The following TTC28 variants were observed in gnomAD, a reference collection of about 807,000 sequenced individuals.
The protein encoded by TTC28 is tetratricopeptide repeat domain 28.
TTC28 carries 61 observed loss-of-function variants against 198.0 expected under a neutral mutation model. The observed-to-expected ratio is 0.31, with a 90% CI of 0.25 to 0.38. The LOEUF (loss-of-function observed/expected upper bound fraction) is 0.38. TTC28 is among the 10% of genes least tolerant of loss of function. TTC28 has a pLI of 1.00. For missense variants in TTC28, 2,678 were observed against 3,164.0 expected, an observed-to-expected ratio of 0.85 and a Z score of 3.69; for synonymous variants, 1,171 against 1,297.8, an observed-to-expected ratio of 0.90 and a Z score of 2.10.
intron 2 of TTC28, among the ~76,000 whole-genome samples, chr22:28,521,038 C>A (rs1298737305): frequency 6.6e-6 from 1 of 151,970 alleles, no homozygotes; most frequent in Non-Finnish European, 1.5e-5. Flanking sequence ...GGTGACAGGG[C>A]AAGACTCTAT....
chr22:28,466,610 C>T (rs574103001), intron 2 of TTC28, among the ~76,000 whole-genome samples: 2 of 152,136 alleles, frequency 1.3e-5, no homozygotes, highest in Non-Finnish European at 2.9e-5. Context: ...ACATTTACAT[C>T]TCTAATTTGC....
At chr22:28,512,921 T>C (rs1277982665) in intron 2 of TTC28, among the ~76,000 whole-genome samples, 1 of 149,382 alleles carries the variant, frequency 6.7e-6, no homozygotes, top group East Asian at 2.0e-4. Flanking sequence ...GAACTTCAAA[T>C]AAAAGTTGAA....
At chr22:28,527,777 A>AGTGT (rs1180593329) in intron 2 of TTC28, among the ~76,000 whole-genome samples, 1 of 152,150 alleles carries the variant, frequency 6.6e-6, no homozygotes, top group Non-Finnish European at 1.5e-5. Context: ...CTGGGACTAC[A>AGTGT]GGCACATGCC....
intron 5 of TTC28, among the ~76,000 whole-genome samples, chr22:28,293,603 A>G (rs946580082): frequency 3.3e-5 from 5 of 152,170 alleles, no homozygotes; most frequent in Non-Finnish European, 5.9e-5. Flanking sequence ...AAAATTTGCT[A>G]AAAGATTAGA....
chr22:28,485,150 T>C (rs2048300470), intron 2 of TTC28, among the ~76,000 whole-genome samples: 1 of 152,188 alleles, frequency 6.6e-6, no homozygotes, highest in African/African-American at 2.4e-5. Context: ...GTGAATGAAA[T>C]GATCCTAATA....
rs115808077 is a variant in TTC28, at chr22:28,445,777, T to G, written c.382-139134A>C. Among the ~76,000 whole-genome samples, 346 of 152,186 alleles carry G rather than the reference T, an allele frequency of 2.3e-3. 2 individuals carry two copies. The highest frequency in any genetic ancestry group is 8.1e-3 in the African/African-American group (337 of 41,522). On this transcript the variant is annotated intron_variant, in intron 2 of 22. Coordinates refer to ENST00000397906, the MANE Select transcript of TTC28 (RefSeq NM_001145418.2). ...TCTCACAATCTCATCTAAGATAATATACACTATGACTCTCACACTGTTCCT... is the reference window on the plus strand; with the variant it reads ...TCTCACAATCTCATCTAAGATAATAGACACTATGACTCTCACACTGTTCCT...
intron 1 of TTC28, among the ~76,000 whole-genome samples, chr22:28,658,890 A>G (rs2051700306): frequency 6.6e-6 from 1 of 152,124 alleles, no homozygotes; most frequent in Non-Finnish European, 1.5e-5. Flanking sequence ...TCAGCTAGTC[A>G]GGAGACTGAG....
chr22:28,281,224 A>G (rs894181587), intron 5 of TTC28, among the ~76,000 whole-genome samples: 36 of 152,206 alleles, frequency 2.4e-4, no homozygotes, highest in African/African-American at 7.7e-4. Flanking sequence ...ACATGTATAT[A>G]ATTATACATA....
intron 2 of TTC28, among the ~76,000 whole-genome samples, chr22:28,502,406 C>G: frequency 6.6e-6 from 1 of 151,798 alleles, no homozygotes; most frequent in East Asian, 1.9e-4. Context: ...TTTGGGAGGC[C>G]GAGGAGGCCG....
intron 5 of TTC28, among the ~76,000 whole-genome samples, chr22:28,194,525 G>A (rs113073555): frequency 6.6e-6 from 1 of 152,000 alleles, no homozygotes; most frequent in Non-Finnish European, 1.5e-5. Context: ...ACAAAATTGA[G>A]AGACCGCTAG....
chr22:28,281,533 C>T lies in TTC28; in HGVS notation c.933+14665G>A, dbSNP rs561400861. 1.3e-4 allele frequency among the ~76,000 whole-genome samples: 20 copies of T among 152,142 alleles called. 1 individual carries two copies. The East Asian group carries it at 3.9e-3, about 29-fold the overall frequency. On this transcript the variant is annotated intron_variant, in intron 5 of 22. Coordinates refer to ENST00000397906, the MANE Select transcript of TTC28 (RefSeq NM_001145418.2). ...GACATAGTTACAGTAACTTTTAAAA[C>T]TCTTTTCTATTAATTTCAACATCTG...
intron 2 of TTC28, among the ~76,000 whole-genome samples, chr22:28,520,933 G>T (rs113819377): frequency 0.017 from 2,617 of 152,126 alleles, 43 homozygotes; most frequent in South Asian, 0.046. Context: ...CGTGCCTGTA[G>T]TCCCAGCTAC....
chr22:28,391,083 T>A (rs2046711122), intron 2 of TTC28, among the ~76,000 whole-genome samples: 1 of 152,084 alleles, frequency 6.6e-6, no homozygotes, highest in Non-Finnish European at 1.5e-5. Context: ...AAGGATTTTA[T>A]TTCTCCTTCA....
At chr22:28,086,498 G>C (rs1483632966) in intron 12 of TTC28, among the ~76,000 whole-genome samples, 4 of 151,962 alleles carry the variant, frequency 2.6e-5, no homozygotes, top group Non-Finnish European at 5.9e-5. Context: ...ATAATCTCTG[G>C]GACACGTTCA....
At chr22:28,610,941 G>C (rs1051233137) in intron 2 of TTC28, among the ~76,000 whole-genome samples, 2 of 151,974 alleles carry the variant, frequency 1.3e-5, no homozygotes, top group African/African-American at 4.8e-5. Flanking sequence ...AGTATCAATA[G>C]CTGAATCGAT....
chr22:28,420,316 T>C (rs2047229619), intron 2 of TTC28, among the ~76,000 whole-genome samples: 1 of 152,122 alleles, frequency 6.6e-6, no homozygotes, highest in Non-Finnish European at 1.5e-5. Context: ...TCCAAGCATA[T>C]CTCTTTGAAA....
chr22:28,333,327 T>C (rs1436046302), intron 2 of TTC28, among the ~76,000 whole-genome samples: 3 of 152,114 alleles, frequency 2.0e-5, no homozygotes, highest in Non-Finnish European at 4.4e-5. Flanking sequence ...CCCCTGAGAA[T>C]GAGGGCCTCT....
chr22:28,658,996 CA>C (rs1356009517), intron 1 of TTC28, among the ~76,000 whole-genome samples: 22 of 150,928 alleles, frequency 1.5e-4, no homozygotes, highest in Non-Finnish European at 1.5e-5. Flanking sequence ...GATTCTGTCT[CA>C]AAAAAAGAAA....
intron 14 of TTC28, among the ~76,000 whole-genome samples, chr22:28,002,854 T>C (rs572592659): frequency 1.3e-5 from 2 of 152,178 alleles, no homozygotes; most frequent in Admixed American, 1.3e-4. Flanking sequence ...TGTGGTGGCA[T>C]GCACCTGTAG....
Sources: gnomAD v4.1 joint callset for allele counts (sites outside exome capture counted in the v4.1 genomes callset) on GRCh38, gnomAD v4.1.1 for gene constraint, MANE v1.5 for transcripts, NCBI Gene and HGNC (gene_info 2026-07-23, HGNC 2026-07-21) for gene names.